Variants in OR51B2 observed in about 807,000 individuals in gnomAD.
The protein encoded by OR51B2 is olfactory receptor 51B2.
For missense variants in OR51B2, 463 were observed against 380.1 expected, an observed-to-expected ratio of 1.22 and a Z score of -1.81; for synonymous variants, 158 against 135.3, an observed-to-expected ratio of 1.17 and a Z score of -1.16.
rs949045757 is a variant in OR51B2 at position 5,323,602 on chromosome 11, T to G, written c.696A>C (p.Arg232Ser). Residue 232 changes from arginine to serine, a missense_variant, in exon 1 of 1, where the codon AGA (arginine) becomes AGC (serine). Coordinates refer to ENST00000624187, the MANE Select transcript of OR51B2 (RefSeq NM_033180.5). ...TVIGIASGEE[R>S]AKALNTCISH... is the part of the protein sequence containing the mutation. Reference sequence around the variant, plus strand: ...AGATACAGGTATTGAGGGCTTTGGCTCTCTCTTCACCAGAAGCAATGCCTA... The same window carrying G: ...AGATACAGGTATTGAGGGCTTTGGCGCTCTCTTCACCAGAAGCAATGCCTA... The G allele has an allele frequency of 1.5e-5, 25 of 1,613,002 alleles. No homozygotes were observed. Among genetic ancestry groups the G allele is most frequent in the Non-Finnish European group, 2.1e-5 (25 of 1,179,092 alleles).
rs1848698864 is a variant in OR51B2 at position 5,323,496 on chromosome 11, C to G, written c.802G>C (p.Glu268Gln). Residue 268 changes from glutamate (E) to glutamine (Q), a missense_variant, in exon 1 of 1, where the codon GAG (glutamate) becomes CAG (glutamine). By Grantham distance (29) the Glu-to-Gln change is conservative. Coordinates refer to ENST00000624187, the MANE Select transcript of OR51B2 (RefSeq NM_033180.5). The part of the protein sequence containing the change: ...FIYRFGKNVP[E>Q]VVHIIMSYIY... ...TAACTCATGATAATGTGGACAACCT[C>G]TGGCACATTCTTCCCAAATCTGTAA... 17 of 1,613,400 alleles carry G rather than the reference C, an allele frequency of 1.1e-5. No homozygotes were observed. The highest frequency in any genetic ancestry group is 1.4e-5 in the Non-Finnish European group (16 of 1,179,534).
In OR51B2 at chr11:5,323,819, C is replaced by G. The variant is rs138700784; in HGVS notation, c.479G>C (p.Arg160Pro). Reference protein sequence around the residue: ...GFVSILPVILRLFSFSYCKSH... With the variant: ...GFVSILPVILPLFSFSYCKSH... The stretch of plus-strand genomic sequence containing the variant: ...TTTGCAATATGAAAATGAAAAAAGA[C>G]GCAAAATTACAGGCAGGATGGATAC... The change falls in exon 1 of 1, where the codon CGT (arginine) becomes CCT (proline). Residue 160 changes from arginine (R) to proline (P), a missense_variant. Arg to Pro is a moderately radical substitution (Grantham distance 103, BLOSUM62 -2). Coordinates refer to ENST00000624187, the MANE Select transcript of OR51B2 (RefSeq NM_033180.5). 6.2e-7 allele frequency: 1 copy of G among 1,613,770 alleles called. No individual in the cohort carries two copies. The highest frequency in any genetic ancestry group is 1.1e-5 in the South Asian group (1 of 91,050).
In OR51B2 at chr11:5,324,286, A is replaced by C. The variant is rs200263746; in HGVS notation, c.12T>G (p.Asn4Lys). The C allele has an allele frequency of 1.2e-4, 187 of 1,611,000 alleles. No homozygotes were observed. Among genetic ancestry groups the C allele is most frequent in the Non-Finnish European group, 1.6e-5 (19 of 1,178,326 alleles). ...TCAGCAAAAAAGGGGCTGCAGTAAT[A>C]TTGGGCCACATAGTGTATCCACCGG... MWP[N>K]ITAAPFLLTG... is the part of the protein sequence containing the mutation. The change falls in exon 1 of 1, where the codon AAT becomes AAG. Residue 4 changes from asparagine to lysine, a missense_variant. Asn to Lys is a moderately conservative substitution (Grantham distance 94, BLOSUM62 0). Transcript: ENST00000624187.
In OR51B2 at chr11:5,323,540, A is replaced by T. The variant is rs1447931311; in HGVS notation, c.758T>A (p.Val253Glu). Residue 253 changes from valine to glutamate, a missense_variant, in exon 1 of 1, where the codon GTG becomes GAG. By Grantham distance (121) the Val-to-Glu change is moderately radical. Transcript: ENST00000624187. ...TCTGTAAATGAATGTCAAACCCATC[A>T]CTGTAACATAGAAGATAAGAACACA... ...ISCVLIFYVTVMGLTFIYRFG... is the reference protein window; with the variant it reads ...ISCVLIFYVTEMGLTFIYRFG... 1.9e-6 allele frequency: 3 copies of T among 1,613,614 alleles called. No homozygotes were observed.
In OR51B2 at chr11:5,323,613, C is replaced by G. The variant is rs1290261132; in HGVS notation, c.685G>C (p.Gly229Arg). ...ILNTVIGIAS[G>R]EERAKALNTC... ...TTGAGGGCTTTGGCTCTCTCTTCACCAGAAGCAATGCCTATGACAGTATTA... is the reference window on the plus strand; with the variant it reads ...TTGAGGGCTTTGGCTCTCTCTTCACGAGAAGCAATGCCTATGACAGTATTA... Residue 229 changes from glycine (G) to arginine (R), a missense_variant, in exon 1 of 1, where the codon GGT becomes CGT. By Grantham distance (125) the Gly-to-Arg change is moderately radical. Coordinates refer to ENST00000624187, the MANE Select transcript of OR51B2 (RefSeq NM_033180.5). The G allele has an allele frequency of 6.2e-7, 1 of 1,612,722 alleles. No individual in the cohort carries two copies. The highest frequency in any genetic ancestry group is 1.7e-5 in the Admixed American group (1 of 59,952).
rs1848709243 is a variant in OR51B2 at position 5,324,124 on chromosome 11, G to C, written c.174C>G (p.Tyr58Ter). The C allele has an allele frequency of 2.5e-6, 4 of 1,613,902 alleles. No individual in the cohort carries two copies. In the South Asian group the frequency reaches 3.3e-5, roughly 13 times the overall value. Residue 58 changes from tyrosine to a stop codon, truncating the protein, a stop_gained, in exon 1 of 1, where the codon TAC becomes TAG. Transcript: ENST00000624187. LOFTEE classifies it low-confidence loss of function (END_TRUNC). Reference protein sequence around the residue: ...KHDHSLHEPMYYFLTMLAGTD... With the variant: ...KHDHSLHEPM ...TGCCTGCCAGCATGGTGAGGAAGTA[G>C]TACATGGGCTCATGAAGACTGTGGT... is the stretch of plus-strand genomic sequence containing the variant.
At position 5,324,265 on chromosome 11, in the gene OR51B2, CA is replaced by C. The variant is rs375227790; in HGVS notation, c.32del (p.Leu11CysfsTer2). The C allele has an allele frequency of 2.6e-4, 420 of 1,604,232 alleles. 12 individuals are homozygous for C. The South Asian group carries it at 4.5e-3, about 17-fold the overall frequency. Reference protein sequence around the residue: MWPNITAAPFLLTGFPGLEAA... With the variant: MWPNITAAPFXLTGFPGLEAA... ...CCTCCAGCCCTGGAAAGCCAGTCAG[CA>C]AAAAAGGGGCTGCAGTAATATTGGG... is the stretch of plus-strand genomic sequence containing the variant. On this transcript the variant is annotated frameshift_variant, in exon 1 of 1. Coordinates refer to ENST00000624187, the MANE Select transcript of OR51B2 (RefSeq NM_033180.5). LOFTEE classifies it low-confidence loss of function (END_TRUNC).
At position 5,324,248 on chromosome 11, in the gene OR51B2, C is replaced by A. The variant is rs199513908; in HGVS notation, c.50G>T (p.Gly17Val). The change falls in exon 1 of 1, where the codon GGG (glycine) becomes GTG (valine). Residue 17 changes from glycine (G) to valine (V), a missense_variant. Gly to Val is a moderately radical substitution (Grantham distance 109). Coordinates refer to ENST00000624187, the MANE Select transcript of OR51B2 (RefSeq NM_033180.5). ...GATCCAGTGATGAGCTGCCTCCAGCCCTGGAAAGCCAGTCAGCAAAAAAGG... is the reference window on the plus strand; with the variant it reads ...GATCCAGTGATGAGCTGCCTCCAGCACTGGAAAGCCAGTCAGCAAAAAAGG... ...AAPFLLTGFP[G>V]LEAAHHWISI... The A allele has an allele frequency of 1.4e-3, 2,231 of 1,613,792 alleles. 41 individuals carry two copies. In the South Asian group the frequency reaches 0.023, roughly 17 times the overall value.
Position 5,323,766 on chromosome 11 carries a change from G to C in OR51B2, c.532C>G (p.Leu178Val), listed in dbSNP as rs1334281073. ...GCCAGTCTCATGATTTCTTGGTGGA[G>C]GCAGAAAGCACGTGTGATAACATGA... ...KSHVITRAFC[L>V]HQEIMRLACA... The change falls in exon 1 of 1, where the codon CTC becomes GTC. Residue 178 changes from leucine (L) to valine (V), a missense_variant. Transcript: ENST00000624187. 1 of 1,613,806 alleles carries C rather than the reference G, an allele frequency of 6.2e-7. No individual in the cohort carries two copies. The highest frequency in any genetic ancestry group is 8.5e-7 in the Non-Finnish European group (1 of 1,179,938).
chr11:5,324,215 G>T lies in OR51B2; in HGVS notation c.83C>A (p.Pro28His). 3 of 1,613,982 alleles carry T rather than the reference G, an allele frequency of 1.9e-6. No homozygotes were observed. The highest frequency in any genetic ancestry group is 2.5e-6 in the Non-Finnish European group (3 of 1,179,908). ...GATGCACACATAAACAGCAAAGAAGGGGATGGAGATCCAGTGATGAGCTGC... is the reference window on the plus strand; with the variant it reads ...GATGCACACATAAACAGCAAAGAAGTGGATGGAGATCCAGTGATGAGCTGC... ...LEAAHHWISI[P>H]FFAVYVCILL... is the part of the protein sequence containing the mutation. Residue 28 changes from proline (P) to histidine (H), a missense_variant, in exon 1 of 1, where the codon CCC (proline) becomes CAC (histidine). Pro to His is a moderately conservative substitution (Grantham distance 77). Coordinates refer to ENST00000624187, the MANE Select transcript of OR51B2 (RefSeq NM_033180.5).
rs148226586 is a variant in OR51B2 at position 5,324,113 on chromosome 11, G to A, written c.185C>T (p.Thr62Ile). ...CATGAGGTCTGTGCCTGCCAGCATG[G>A]TGAGGAAGTAGTACATGGGCTCATG... ...SLHEPMYYFL[T>I]MLAGTDLMVT... Residue 62 changes from threonine to isoleucine, a missense_variant, in exon 1 of 1, where the codon ACC becomes ATC. By Grantham distance (89) the Thr-to-Ile change is moderately conservative. Transcript: ENST00000624187. 8.3e-4 allele frequency: 1,335 copies of A among 1,613,966 alleles called. 3 individuals are homozygous for A. Among genetic ancestry groups the A allele is most frequent in the Admixed American group, 1.1e-3 (65 of 60,008 alleles).
rs1270347842 is a variant in OR51B2, at chr11:5,324,016, GC to G, written c.281del (p.Gly94AlafsTer35). On this transcript the variant is annotated frameshift_variant, in exon 1 of 1. Coordinates refer to ENST00000624187, the MANE Select transcript of OR51B2 (RefSeq NM_033180.5). LOFTEE classifies it low-confidence loss of function (END_TRUNC). ...WVNHREISSV[G>X]CFLQAYFIHS... ...GAATAAAGTAAGCCTGTAGGAAGCA[GC>G]CCACACTGCTAATCTCCCTGTGATT... 6.2e-7 allele frequency: 1 copy of G among 1,613,992 alleles called. No individual in the cohort carries two copies. Among genetic ancestry groups the G allele is most frequent in the South Asian group, 1.1e-5 (1 of 91,076 alleles).
chr11:5,323,559 G>T lies in OR51B2; in HGVS notation c.739C>A (p.Leu247Ile), dbSNP rs781180262. 7 of 1,613,606 alleles carry T rather than the reference G, an allele frequency of 4.3e-6. No homozygotes were observed. In the South Asian group the frequency reaches 7.7e-5, roughly 18 times the overall value. Residue 247 changes from leucine (L) to isoleucine (I), a missense_variant, in exon 1 of 1, where the codon CTT becomes ATT. Leu to Ile is a conservative substitution (Grantham distance 5, BLOSUM62 2). Transcript: ENST00000624187. ...NTCISHISCV[L>I]IFYVTVMGLT... ...CCCATCACTGTAACATAGAAGATAA[G>T]AACACAACTAATGTGGGAGATACAG...
Position 5,324,054 on chromosome 11 carries a change from T to A in OR51B2, c.244A>T (p.Ile82Phe). 6.2e-7 allele frequency: 1 copy of A among 1,613,884 alleles called. No homozygotes were observed. The highest frequency in any genetic ancestry group is 8.5e-7 in the Non-Finnish European group (1 of 1,179,914). Residue 82 changes from isoleucine (I) to phenylalanine (F), a missense_variant, in exon 1 of 1, where the codon ATC becomes TTC. By Grantham distance (21) the Ile-to-Phe change is conservative (BLOSUM62 0). Transcript: ENST00000624187. ...TLTTMPTVMG[I>F]LWVNHREISS... Reference sequence around the variant, plus strand: ...ATCTCCCTGTGATTCACCCATAGGATGCCCATTACAGTAGGCATCGTGGTC... The same window carrying A: ...ATCTCCCTGTGATTCACCCATAGGAAGCCCATTACAGTAGGCATCGTGGTC...
chr11:5,323,451 G>A lies in OR51B2; in HGVS notation c.847C>T (p.Pro283Ser), dbSNP rs11036815. 444,481 of 1,612,512 alleles carry A rather than the reference G, an allele frequency of 0.28. 62,253 individuals carry two copies. The highest frequency in any genetic ancestry group is 0.29 in the Middle Eastern group (1,774 of 6,060). ...IMSYIYFLFP[P>S]LMNPVIYSIK... ...CTGTAGATGACAGGGTTCATTAAAG[G>A]AGGAAAGAGGAAGTAGATGTAACTC... is the stretch of plus-strand genomic sequence containing the variant. The change falls in exon 1 of 1, where the codon CCT becomes TCT. Residue 283 changes from proline (P) to serine (S), a missense_variant. Physicochemically the swap from Pro to Ser is moderately conservative, Grantham distance 74. Transcript: ENST00000624187.
chr11:5,323,715 G>T lies in OR51B2; in HGVS notation c.583C>A (p.Leu195Ile), dbSNP rs369919059. The change falls in exon 1 of 1, where the codon CTT becomes ATT. Residue 195 changes from leucine to isoleucine, a missense_variant. By Grantham distance (5) the Leu-to-Ile change is conservative. Coordinates refer to ENST00000624187, the MANE Select transcript of OR51B2 (RefSeq NM_033180.5). The part of the protein sequence containing the change: ...LACADITFNR[L>I]YPVILISLTI... ...AAAGAGATCAAAATTACAGGGTAAA[G>T]TCTATTGAAAGTTATGTCAGCACAA... is the stretch of plus-strand genomic sequence containing the variant. 6.2e-7 allele frequency: 1 copy of T among 1,613,464 alleles called. No homozygotes were observed. The highest frequency in any genetic ancestry group is 8.5e-7 in the Non-Finnish European group (1 of 1,179,842).
In OR51B2 at chr11:5,323,605, C is replaced by T; in HGVS notation, c.693G>A (p.Glu231=). Reference sequence around the variant, plus strand: ...TACAGGTATTGAGGGCTTTGGCTCTCTCTTCACCAGAAGCAATGCCTATGA... The same window carrying T: ...TACAGGTATTGAGGGCTTTGGCTCTTTCTTCACCAGAAGCAATGCCTATGA... The part of the protein sequence containing the change: ...NTVIGIASGE[E]RAKALNTCIS... The change falls in exon 1 of 1, where the codon GAG becomes GAA. Residue 231 remains glutamate (E), a synonymous_variant. Transcript: ENST00000624187. 1.9e-6 allele frequency: 3 copies of T among 1,613,010 alleles called. No homozygotes were observed. Among genetic ancestry groups the T allele is most frequent in the Non-Finnish European group, 2.5e-6 (3 of 1,179,132 alleles).
In OR51B2 at chr11:5,323,715, G is replaced by A. The variant is rs369919059; in HGVS notation, c.583C>T (p.Leu195Phe). The A allele has an allele frequency of 3.1e-6, 5 of 1,613,582 alleles. No individual in the cohort carries two copies. Among genetic ancestry groups the A allele is most frequent in the East Asian group, 2.2e-5 (1 of 44,866 alleles). The change falls in exon 1 of 1, where the codon CTT becomes TTT. Residue 195 changes from leucine (L) to phenylalanine (F), a missense_variant. Leu to Phe is a conservative substitution (Grantham distance 22, BLOSUM62 0). Transcript: ENST00000624187. The part of the protein sequence containing the change: ...LACADITFNR[L>F]YPVILISLTI... The stretch of plus-strand genomic sequence containing the variant: ...AAAGAGATCAAAATTACAGGGTAAA[G>A]TCTATTGAAAGTTATGTCAGCACAA...
At position 5,323,816 on chromosome 11, in the gene OR51B2, A is replaced by G. The variant is rs1848704187; in HGVS notation, c.482T>C (p.Leu161Pro). 6.2e-7 allele frequency: 1 copy of G among 1,613,964 alleles called. No individual in the cohort carries two copies. Among genetic ancestry groups the G allele is most frequent in the South Asian group, 1.1e-5 (1 of 91,080 alleles). The change falls in exon 1 of 1, where the codon CTT becomes CCT. Residue 161 changes from leucine (L) to proline (P), a missense_variant. Coordinates refer to ENST00000624187, the MANE Select transcript of OR51B2 (RefSeq NM_033180.5). Reference sequence around the variant, plus strand: ...AGATTTGCAATATGAAAATGAAAAAAGACGCAAAATTACAGGCAGGATGGA... The same window carrying G: ...AGATTTGCAATATGAAAATGAAAAAGGACGCAAAATTACAGGCAGGATGGA... ...FVSILPVILRLFSFSYCKSHV... is the reference protein window; with the variant it reads ...FVSILPVILRPFSFSYCKSHV...
Sources: gnomAD v4.1 joint callset for allele counts on GRCh38, gnomAD v4.1.1 for gene constraint, MANE v1.5 for transcripts, NCBI Gene and HGNC (gene_info 2026-07-23, HGNC 2026-07-21) for gene names.